Variants in MMP2 observed in about 807,000 individuals in gnomAD.
MMP2 encodes matrix metallopeptidase 2.
A neutral mutation model predicts 74.8 loss-of-function variants in MMP2; 39 were observed. The observed-to-expected ratio is 0.52, with a 90% CI of 0.40 to 0.68. The LOEUF is 0.68. Ranked by LOEUF, MMP2 falls within the 30% of genes least tolerant of loss-of-function variation. MMP2 has a pLI of 0.00. For synonymous variants in MMP2, 367 were observed against 339.8 expected (o/e 1.08, Z -0.88); for missense variants, 803 against 878.3 (o/e 0.91, Z 1.08).
intron 12 of MMP2, among the ~76,000 whole-genome samples, chr16:55,504,492 T>G (rs1449657912): frequency 6.6e-6 from 1 of 152,078 alleles, no homozygotes; most frequent in Non-Finnish European, 1.5e-5. Context: ...TTGATAATCT[T>G]TATCCTCATC....
intron 12 of MMP2, among the ~76,000 whole-genome samples, chr16:55,504,651 ATTTTT>A (rs71149619): frequency 6.8e-5 from 9 of 131,706 alleles, no homozygotes; most frequent in Non-Finnish European, 4.8e-5. Context: ...AAACAATTGA[ATTTTT>A]TTTTTTTTTT....
intron 1 of MMP2, chr16:55,481,903 A>G (rs1962114689): frequency 1.4e-6 from 1 of 724,820 alleles, no homozygotes. Context: ...AGCACTAGCC[A>G]TTATTCTATT....
chr16:55,504,044 G>C (rs895229436), intron 12 of MMP2, among the ~76,000 whole-genome samples: 13 of 152,158 alleles, frequency 8.5e-5, no homozygotes, highest in Non-Finnish European at 1.6e-4. Flanking sequence ...TGTAGTCCCA[G>C]CTACTGGGGA....
chr16:55,480,476 G>C (rs1228907513), intron 1 of MMP2: 1 of 152,198 alleles, frequency 6.6e-6, no homozygotes, highest in Non-Finnish European at 1.5e-5. Flanking sequence ...CGCTCCGCTC[G>C]GGTCGGAGAG....
intron 9 of MMP2, 29 bp downstream of exon 9, chr16:55,493,322 C>G: frequency 9.3e-6 from 15 of 1,613,940 alleles, no homozygotes; most frequent in Non-Finnish European, 1.3e-5. Flanking sequence ...TTCTTGTCCT[C>G]CTTGTCTCCT....
intron 7 of MMP2, 27 bp downstream of exon 7, chr16:55,489,851 G>A (rs1962360558): frequency 2.5e-6 from 4 of 1,611,654 alleles, no homozygotes; most frequent in Non-Finnish European, 2.5e-6. Flanking sequence ...ATTGGACAGA[G>A]ACCCTGGACA....
At chr16:55,481,285 C>T (rs1439395859) in intron 1 of MMP2, among the ~76,000 whole-genome samples, 1 of 152,118 alleles carries the variant, frequency 6.6e-6, no homozygotes, top group Non-Finnish European at 1.5e-5. Flanking sequence ...CCCTTTTAGA[C>T]CATATAGGGT....
chr16:55,482,899 T>C lies in MMP2; in HGVS notation c.154-10T>C. 1 of 1,613,240 alleles carries C rather than the reference T, an allele frequency of 6.2e-7. No homozygotes were observed. Among genetic ancestry groups the C allele is most frequent in the Non-Finnish European group, 8.5e-7 (1 of 1,179,232 alleles). On this transcript the variant is annotated splice_polypyrimidine_tract_variant and intron_variant, in intron 1 of 12. Coordinates refer to ENST00000219070, the MANE Select transcript of MMP2 (RefSeq NM_004530.6). ...TGGCTAATTGCCTTGGGGGTGTGCA[T>C]TTCTTTCAGCAATACCTGAACACCT...
chr16:55,483,870 C>A, intron 2 of MMP2, 146 bp from the exon 3 acceptor site: 1 of 821,346 alleles, frequency 1.2e-6, no homozygotes, highest in African/African-American at 1.7e-5. Context: ...ACCTGTGCAC[C>A]CTTCCCGTGC....
Position 55,479,486 on chromosome 16 carries a change from G to A in MMP2, c.7G>A (p.Ala3Thr). 1 of 1,574,560 alleles carries A rather than the reference G, an allele frequency of 6.4e-7. No homozygotes were observed. Among genetic ancestry groups the A allele is most frequent in the Non-Finnish European group, 8.6e-7 (1 of 1,160,326 alleles). ...GGGGCCAGGGAGCGCTACGATGGAG[G>A]CGCTAATGGCCCGGGGCGCGCTCAC... ME[A>T]LMARGALTGP... is the part of the protein sequence containing the mutation. The change falls in exon 1 of 13, where the codon GCG (alanine) becomes ACG (threonine). Residue 3 changes from alanine to threonine, a missense_variant. By Grantham distance (58) the Ala-to-Thr change is moderately conservative (BLOSUM62 0). Coordinates refer to ENST00000219070, the MANE Select transcript of MMP2 (RefSeq NM_004530.6).
chr16:55,485,560 AG>A (rs1962223513), intron 4 of MMP2, 43 bp from the exon 5 acceptor site: 1 of 1,612,356 alleles, frequency 6.2e-7, no homozygotes, highest in Admixed American at 1.7e-5. Context: ...TCTCCAAAGA[AG>A]GCCTGGAGAA....
chr16:55,486,347 C>CTGTGTGTG (rs57608135), intron 5 of MMP2, among the ~76,000 whole-genome samples: 9,157 of 137,484 alleles, frequency 0.067, 499 homozygotes, highest in Non-Finnish European at 0.091. Flanking sequence ...GTGTGTGTGC[C>CTGTGTGTG]TGTGTGTGTG....
rs548563006 is a variant in MMP2 at position 55,496,138 on chromosome 16, G to A, written c.1473-788G>A. Among the ~76,000 whole-genome samples the A allele has an allele frequency of 1.1e-4, 17 of 152,306 alleles. No homozygotes were observed. The South Asian group carries it at 3.3e-3, about 30-fold the overall frequency. On this transcript the variant is annotated intron_variant, in intron 9 of 12. Coordinates refer to ENST00000219070, the MANE Select transcript of MMP2 (RefSeq NM_004530.6). ...TTAAAACACAGATTCTGGGCCCCAAGCCCAGAGATTCTTATCTGTAGATCT... is the reference window on the plus strand; with the variant it reads ...TTAAAACACAGATTCTGGGCCCCAAACCCAGAGATTCTTATCTGTAGATCT...
chr16:55,502,767 G>A lies in MMP2; in HGVS notation c.1770-12G>A, dbSNP rs773572927. 4 of 1,610,830 alleles carry A rather than the reference G, an allele frequency of 2.5e-6. No homozygotes were observed. Among genetic ancestry groups the A allele is most frequent in the Non-Finnish European group, 2.5e-6 (3 of 1,177,094 alleles). The stretch of plus-strand genomic sequence containing the variant: ...GAGGCCCTGCTGGTTCACTGTGTCT[G>A]TTTCTTTACAGATACAATGAGGTGA... On this transcript the variant is annotated splice_polypyrimidine_tract_variant and intron_variant, in intron 11 of 12. Coordinates refer to ENST00000219070, the MANE Select transcript of MMP2 (RefSeq NM_004530.6).
chr16:55,481,761 C>G (rs1962109288), intron 1 of MMP2: 1 of 704,646 alleles, frequency 1.4e-6, no homozygotes, highest in African/African-American at 1.8e-5. Flanking sequence ...ATGAACCAAC[C>G]AGCTGGCCTA....
At chr16:55,496,669 T>G (rs1962535021) in intron 9 of MMP2, among the ~76,000 whole-genome samples, 1 of 152,126 alleles carries the variant, frequency 6.6e-6, no homozygotes, top group African/African-American at 2.4e-5. Context: ...ACAATATGGA[T>G]GGAGGTAGTC....
Position 55,489,893 on chromosome 16 carries a change from C to T in MMP2, c.1180+69C>T, listed in dbSNP as rs1188294287. On this transcript the variant is annotated intron_variant, in intron 7 of 12. Coordinates refer to ENST00000219070, the MANE Select transcript of MMP2 (RefSeq NM_004530.6). Reference sequence around the variant, plus strand: ...TTGCCCCTAAACTTGCTCCAAAAACCTTCCTGAGACCTCACCCACTTCAAG... The same window carrying T: ...TTGCCCCTAAACTTGCTCCAAAAACTTTCCTGAGACCTCACCCACTTCAAG... 2.6e-6 allele frequency: 4 copies of T among 1,540,604 alleles called. No individual in the cohort carries two copies. The African/African-American group carries it at 5.5e-5, about 21-fold the overall frequency.
intron 9 of MMP2, among the ~76,000 whole-genome samples, chr16:55,494,463 T>G (rs1297744795): frequency 1.3e-5 from 2 of 152,236 alleles, no homozygotes; most frequent in African/African-American, 4.8e-5. Context: ...CCAAATACTT[T>G]GCTAGGCTTT....
chr16:55,486,352 T>C (rs1301410593), intron 5 of MMP2, among the ~76,000 whole-genome samples: 12 of 55,988 alleles, frequency 2.1e-4, no homozygotes, highest in African/African-American at 6.7e-4. Flanking sequence ...TGTGCCTGTG[T>C]GTGTGTGTGT....
Sources: gnomAD v4.1 joint callset for allele counts (sites outside exome capture counted in the v4.1 genomes callset) on GRCh38, gnomAD v4.1.1 for gene constraint, MANE v1.5 for transcripts, NCBI Gene and HGNC (gene_info 2026-07-23, HGNC 2026-07-21) for gene names.